TMEM45A: variants seen among roughly 807,000 people sequenced by gnomAD.
The protein encoded by TMEM45A is transmembrane protein 45A.
TMEM45A carries 25 observed loss-of-function variants against 32.0 expected under a neutral mutation model. The observed-to-expected ratio is 0.78, with a 90% CI of 0.57 to 1.09. The LOEUF (loss-of-function observed/expected upper bound fraction) is 1.09. Among genes scored for constraint, TMEM45A ranks in the 50% least tolerant of loss-of-function variants. TMEM45A has a pLI of 0.00. For missense variants in TMEM45A, 302 were observed against 325.0 expected, an observed-to-expected ratio of 0.93 and a Z score of 0.54; for synonymous variants, 122 against 114.8, an observed-to-expected ratio of 1.06 and a Z score of -0.40.
intron 4 of TMEM45A, among the ~76,000 whole-genome samples, chr3:100,560,402 T>C (rs1409056675): frequency 6.6e-6 from 1 of 152,214 alleles, no homozygotes; most frequent in East Asian, 1.9e-4. Flanking sequence ...GTTTGTAGTT[T>C]TTTTGATGTG....
chr3:100,546,321 G>T (rs971181065), intron 1 of TMEM45A, among the ~76,000 whole-genome samples: 4 of 152,180 alleles, frequency 2.6e-5, no homozygotes, highest in African/African-American at 9.7e-5. Flanking sequence ...AATGTGTGTT[G>T]TTTCAATGTA....
chr3:100,546,453 T>C (rs1242394059), intron 1 of TMEM45A, among the ~76,000 whole-genome samples: 1 of 152,208 alleles, frequency 6.6e-6, no homozygotes, highest in African/African-American at 2.4e-5. Flanking sequence ...CTCACTGAGT[T>C]GAATTGTGAA....
chr3:100,533,143 G>A (rs762393841), intron 1 of TMEM45A, among the ~76,000 whole-genome samples: 5 of 151,988 alleles, frequency 3.3e-5, no homozygotes, highest in African/African-American at 4.8e-5. Flanking sequence ...TTCACTTAGC[G>A]ATGCAGTTGG....
chr3:100,566,159 T>C (rs1468696173), intron 4 of TMEM45A, among the ~76,000 whole-genome samples: 1 of 142,494 alleles, frequency 7.0e-6, no homozygotes, highest in Non-Finnish European at 1.5e-5. Flanking sequence ...ATTTTGCTTA[T>C]CCATATCAGT....
At chr3:100,522,583 C>T (rs1705456560) in intron 1 of TMEM45A, among the ~76,000 whole-genome samples, 2 of 152,280 alleles carry the variant, frequency 1.3e-5, no homozygotes, top group South Asian at 4.2e-4. Context: ...TTTTTCATGT[C>T]ACAGTATACA....
At chr3:100,510,140 C>T (rs1708135735) in intron 1 of TMEM45A, among the ~76,000 whole-genome samples, 1 of 152,222 alleles carries the variant, frequency 6.6e-6, no homozygotes, top group South Asian at 2.1e-4. Context: ...GCCTGCCTGC[C>T]TCTGTAGGCT....
intron 1 of TMEM45A, among the ~76,000 whole-genome samples, chr3:100,531,551 C>T (rs778039177): frequency 2.6e-5 from 4 of 152,050 alleles, no homozygotes; most frequent in African/African-American, 4.8e-5. Context: ...TGCCAAGTCA[C>T]TTTTCAGTGG....
chr3:100,503,119 T>C (rs1708030528), intron 1 of TMEM45A, among the ~76,000 whole-genome samples: 1 of 151,924 alleles, frequency 6.6e-6, no homozygotes, highest in Non-Finnish European at 1.5e-5. Context: ...TCTTCTTCTT[T>C]TATTGAGACA....
At chr3:100,575,908 T>C (rs554428462) in intron 5 of TMEM45A, among the ~76,000 whole-genome samples, 79 of 152,328 alleles carry the variant, frequency 5.2e-4, no homozygotes, top group African/African-American at 1.8e-3. Context: ...TTATATGATA[T>C]AGCACCTGTT....
chr3:100,529,966 G>A (rs1410046673), intron 1 of TMEM45A, among the ~76,000 whole-genome samples: 1 of 152,014 alleles, frequency 6.6e-6, no homozygotes. Context: ...ATGTTTACGT[G>A]TACAGACCCT....
chr3:100,552,836 G>A (rs1706136421), intron 1 of TMEM45A, among the ~76,000 whole-genome samples: 1 of 152,146 alleles, frequency 6.6e-6, no homozygotes, highest in Non-Finnish European at 1.5e-5. Flanking sequence ...AAGAAGAATG[G>A]ATATATGGCC....
Position 100,505,165 on chromosome 3 carries a change from G to A in TMEM45A, c.-4+12237G>A, listed in dbSNP as rs184142275. The stretch of plus-strand genomic sequence containing the variant: ...ACAAATTTTGGTTAAACAATTTCCT[G>A]GTGGGTTTAGTGCTTGCTGCCCAGA... On this transcript the variant is annotated intron_variant, in intron 1 of 5. Coordinates refer to ENST00000323523, the MANE Select transcript of TMEM45A (RefSeq NM_018004.3). Among the ~76,000 whole-genome samples the A allele has an allele frequency of 2.0e-5, 3 of 152,254 alleles. No homozygotes were observed. In the East Asian group the frequency reaches 5.8e-4, roughly 29 times the overall value.
At chr3:100,513,980 T>C (rs1055615179) in intron 1 of TMEM45A, among the ~76,000 whole-genome samples, 1 of 151,982 alleles carries the variant, frequency 6.6e-6, no homozygotes, top group African/African-American at 2.4e-5. Context: ...TAAAAGAGGA[T>C]ACAAACAAAT....
At chr3:100,559,996 G>A (rs1442678973) in intron 4 of TMEM45A, among the ~76,000 whole-genome samples, 2 of 152,164 alleles carry the variant, frequency 1.3e-5, no homozygotes, top group Admixed American at 6.5e-5. Flanking sequence ...AGAGCAGACG[G>A]TGATGGTTGG....
chr3:100,540,072 C>T (rs894586098), intron 1 of TMEM45A, among the ~76,000 whole-genome samples: 3 of 151,954 alleles, frequency 2.0e-5, no homozygotes, highest in African/African-American at 7.3e-5. Flanking sequence ...AATAATATAT[C>T]AAGAGGACAA....
chr3:100,535,088 A>C (rs1265183692), intron 1 of TMEM45A, among the ~76,000 whole-genome samples: 2 of 151,056 alleles, frequency 1.3e-5, no homozygotes, highest in African/African-American at 4.9e-5. Flanking sequence ...TGTCACAGGC[A>C]CTTGCTAAAA....
intron 1 of TMEM45A, among the ~76,000 whole-genome samples, chr3:100,538,769 TA>T (rs920893307): frequency 6.6e-6 from 1 of 151,830 alleles, no homozygotes; most frequent in African/African-American, 2.4e-5. Context: ...GATATAAAAT[TA>T]AAAAAATATA....
intron 5 of TMEM45A, chr3:100,574,322 C>A (rs1706636821): frequency 6.6e-6 from 1 of 152,122 alleles, no homozygotes; most frequent in African/African-American, 2.4e-5. Context: ...GGGGATGTCA[C>A]CACCGATCCC....
At chr3:100,561,296 A>G (rs1706325332) in intron 4 of TMEM45A, among the ~76,000 whole-genome samples, 2 of 152,134 alleles carry the variant, frequency 1.3e-5, no homozygotes, top group Admixed American at 1.3e-4. Context: ...TTTTCACCAT[A>G]TTACCATATT....
Sources: gnomAD v4.1 joint callset for allele counts (sites outside exome capture counted in the v4.1 genomes callset) on GRCh38, gnomAD v4.1.1 for gene constraint, MANE v1.5 for transcripts, NCBI Gene and HGNC (gene_info 2026-07-23, HGNC 2026-07-21) for gene names.